Variants in EDIL3 observed in about 807,000 individuals in gnomAD.
The protein encoded by EDIL3 is EGF like and discoidin domains 3.
Under a neutral mutation model 67.4 loss-of-function variants are expected in EDIL3, and 37 were observed. The ratio of observed to expected loss-of-function variants is 0.55; its 90% CI spans 0.42 to 0.72. The LOEUF is 0.72. Ranked by LOEUF, EDIL3 falls within the 30% of genes least tolerant of loss-of-function variation. The pLI, the probability that EDIL3 is intolerant of heterozygous loss-of-function variation, is 0.00. For missense variants in EDIL3, 527 were observed against 586.3 expected, an observed-to-expected ratio of 0.90 and a Z score of 1.04; for synonymous variants, 195 against 196.3, an observed-to-expected ratio of 0.99 and a Z score of 0.05.
chr5:84,313,152 T>C (rs1326592064), intron 1 of EDIL3, among the ~76,000 whole-genome samples: 1 of 152,142 alleles, frequency 6.6e-6, no homozygotes, highest in Non-Finnish European at 1.5e-5. Context: ...CTTGTCACCA[T>C]ACAAAATACA....
At chr5:84,132,506 A>G (rs1410443839) in intron 5 of EDIL3, among the ~76,000 whole-genome samples, 1 of 20,970 alleles carries the variant, frequency 4.8e-5, no homozygotes, top group Non-Finnish European at 1.1e-4. Context: ...TATTTTATAT[A>G]TAATATATAT....
At chr5:84,145,356 T>C (rs1748273171) in intron 4 of EDIL3, among the ~76,000 whole-genome samples, 1 of 152,108 alleles carries the variant, frequency 6.6e-6, no homozygotes, top group Admixed American at 6.6e-5. Flanking sequence ...TTCTGAAGCA[T>C]GCACAGGGAC....
In EDIL3 at chr5:84,137,198, CA is replaced by C. The variant is rs764978082; in HGVS notation, c.469+42del. 9.4e-6 allele frequency: 13 copies of C among 1,378,350 alleles called. No homozygotes were observed. The South Asian group carries it at 1.6e-4, about 16-fold the overall frequency. 85.4% of individuals were successfully genotyped at this position (1,378,350 alleles called of 1,614,324 possible). A position where few individuals can be genotyped will look rare whatever the true frequency, so the allele number is the denominator to read the frequency against. ...GTGTGTATACATACACACACACACA[CA>C]CACACACACACACACACACATACAC... On this transcript the variant is annotated intron_variant, in intron 5 of 10. Transcript: ENST00000296591.
At chr5:84,346,441 A>T (rs948494275) in intron 1 of EDIL3, among the ~76,000 whole-genome samples, 1 of 152,112 alleles carries the variant, frequency 6.6e-6, no homozygotes, top group Non-Finnish European at 1.5e-5. Context: ...AGATGTTCAG[A>T]TCCTAGAGTC....
intron 3 of EDIL3, among the ~76,000 whole-genome samples, chr5:84,185,883 T>A (rs1743419255): frequency 6.6e-6 from 1 of 152,136 alleles, no homozygotes; most frequent in Non-Finnish European, 1.5e-5. Flanking sequence ...TATAATCTCA[T>A]TAACTGTTTG....
chr5:84,353,068 TCAATCAATGTGAATAGCTGCTGCACC>T (rs1029845043), intron 1 of EDIL3, among the ~76,000 whole-genome samples: 3 of 152,104 alleles, frequency 2.0e-5, no homozygotes, highest in Admixed American at 6.6e-5. Flanking sequence ...ATTATGGGCA[TCAATCAATGTGAATAGCTGCTGCACC>T]CAATCAATGT....
At chr5:84,257,219 T>C (rs1004180978) in intron 1 of EDIL3, among the ~76,000 whole-genome samples, 2 of 152,116 alleles carry the variant, frequency 1.3e-5, no homozygotes, top group Non-Finnish European at 2.9e-5. Flanking sequence ...TGCTGCCCTC[T>C]CTAGATGATA....
intron 6 of EDIL3, among the ~76,000 whole-genome samples, chr5:84,091,808 C>T (rs970071589): frequency 1.3e-5 from 2 of 152,254 alleles, no homozygotes; most frequent in African/African-American, 4.8e-5. Context: ...TTGCAAGAAG[C>T]CCTGATGCAG....
chr5:84,134,975 T>G (rs1015970348), intron 5 of EDIL3, among the ~76,000 whole-genome samples: 1 of 152,154 alleles, frequency 6.6e-6, no homozygotes, highest in Non-Finnish European at 1.5e-5. Context: ...AAACACAACA[T>G]GAAAAACTGG....
At chr5:84,205,078 A>C (rs1743936702) in intron 3 of EDIL3, among the ~76,000 whole-genome samples, 1 of 117,052 alleles carries the variant, frequency 8.5e-6, no homozygotes, top group African/African-American at 3.4e-5. Context: ...ATGCCCTGGA[A>C]GATTTTTTTT....
intron 1 of EDIL3, among the ~76,000 whole-genome samples, chr5:84,257,463 A>T (rs1745141815): frequency 6.6e-6 from 1 of 152,144 alleles, no homozygotes; most frequent in Admixed American, 6.5e-5. Context: ...TCATTAGCAT[A>T]CTATCTTTTG....
intron 9 of EDIL3, among the ~76,000 whole-genome samples, chr5:83,991,201 C>A (rs1338638919): frequency 6.6e-6 from 1 of 152,092 alleles, no homozygotes; most frequent in Non-Finnish European, 1.5e-5. Context: ...TGTTTAGAAT[C>A]CCTACATCAA....
intron 6 of EDIL3, among the ~76,000 whole-genome samples, chr5:84,075,160 G>T (rs1746827037): frequency 6.6e-6 from 1 of 151,624 alleles, no homozygotes; most frequent in Non-Finnish European, 1.5e-5. Context: ...AAGAACACAT[G>T]GACACAGGAA....
chr5:84,347,022 TA>T lies in EDIL3; in HGVS notation c.67+37285del, dbSNP rs1169198978. ...TCTGCCTCTTGCATGCAACAAGTAC[TA>T]AAAAAAAATTGAGAAATTACCATAA... is the stretch of plus-strand genomic sequence containing the variant. On this transcript the variant is annotated intron_variant, in intron 1 of 10. Coordinates refer to ENST00000296591, the MANE Select transcript of EDIL3 (RefSeq NM_005711.5). Among the ~76,000 whole-genome samples, 6 of 151,680 alleles carry T rather than the reference TA, an allele frequency of 4.0e-5. No homozygotes were observed. The South Asian group carries it at 6.2e-4, about 16-fold the overall frequency.
chr5:84,182,695 T>C (rs1404728974), intron 3 of EDIL3, among the ~76,000 whole-genome samples: 1 of 151,978 alleles, frequency 6.6e-6, no homozygotes, highest in Non-Finnish European at 1.5e-5. Context: ...GGTTGTGGAG[T>C]CTAACAAAGA....
At chr5:84,040,556 A>G (rs1171626184) in intron 9 of EDIL3, among the ~76,000 whole-genome samples, 1 of 150,440 alleles carries the variant, frequency 6.6e-6, no homozygotes, top group East Asian at 1.9e-4. Flanking sequence ...CTTAAATTAC[A>G]GATACGAAAA....
At chr5:84,358,577 G>GTAT (rs1253268179) in intron 1 of EDIL3, among the ~76,000 whole-genome samples, 1 of 131,786 alleles carries the variant, frequency 7.6e-6, no homozygotes, top group Non-Finnish European at 1.6e-5. Flanking sequence ...GCATAAGACA[G>GTAT]TATTCATTTT....
At chr5:84,064,178 T>G (rs915191633) in intron 8 of EDIL3, among the ~76,000 whole-genome samples, 1 of 152,124 alleles carries the variant, frequency 6.6e-6, no homozygotes, top group Admixed American at 6.5e-5. Context: ...ATTAGCAATC[T>G]TGGTATTGAA....
At chr5:84,177,371 A>G (rs1748939104) in intron 4 of EDIL3, among the ~76,000 whole-genome samples, 1 of 152,212 alleles carries the variant, frequency 6.6e-6, no homozygotes, top group Admixed American at 6.5e-5. Context: ...CAATTACATG[A>G]CATTCTGGAA....
Sources: gnomAD v4.1 joint callset for allele counts (sites outside exome capture counted in the v4.1 genomes callset) on GRCh38, gnomAD v4.1.1 for gene constraint, MANE v1.5 for transcripts, NCBI Gene and HGNC (gene_info 2026-07-23, HGNC 2026-07-21) for gene names.